Variants in TPRG1 observed in about 807,000 individuals in gnomAD.
TPRG1 encodes the protein tumor protein p63-regulated gene 1 protein.
A neutral mutation model predicts 29.3 loss-of-function variants in TPRG1; 29 were observed. The ratio of observed to expected loss-of-function variants is 0.99; its 90% CI spans 0.74 to 1.35. The LOEUF is 1.35. TPRG1 is among the 40% of genes most tolerant of loss of function. TPRG1 has a pLI of 0.00. For missense variants in TPRG1, 327 were observed against 335.0 expected (o/e 0.98, Z 0.19); for synonymous variants, 130 against 116.8 (o/e 1.11, Z -0.73).
rs564685969 is a variant in TPRG1, at chr3:189,133,188, A to G, written c.-291+491A>G. 2.0e-5 allele frequency among the ~76,000 whole-genome samples: 3 copies of G among 152,312 alleles called. No homozygotes were observed. The East Asian group carries it at 5.8e-4, about 29-fold the overall frequency. ...AAGGAAGTAGAAGAAATAAAACTGGAAAGAGACTGGGATCAGATCTGGAAA... is the reference window on the plus strand; with the variant it reads ...AAGGAAGTAGAAGAAATAAAACTGGGAAGAGACTGGGATCAGATCTGGAAA... On this transcript the variant is annotated intron_variant, in intron 3 of 6. Coordinates refer to the TPRG1 transcript ENST00000412373.
upstream of TPRG1, among the ~76,000 whole-genome samples, chr3:189,169,623 A>G (rs1350500360): frequency 3.9e-5 from 6 of 152,228 alleles, no homozygotes; most frequent in African/African-American, 1.2e-4. Flanking sequence ...TATGCCTGGA[A>G]ATACAGACAT....
At chr3:189,059,122 G>A (rs774915851) in intron 4 of TPRG1, among the ~76,000 whole-genome samples, 6 of 152,140 alleles carry the variant, frequency 3.9e-5, no homozygotes, top group Non-Finnish European at 8.8e-5. Context: ...TCAGTTTCCT[G>A]ATGTCTAAAA....
chr3:189,262,154 G>T (rs1377400485), intron 4 of TPRG1, among the ~76,000 whole-genome samples: 3 of 151,708 alleles, frequency 2.0e-5, no homozygotes, highest in African/African-American at 7.3e-5. Context: ...CTAAGGATTT[G>T]AACTGGGCCA....
chr3:189,052,342 G>C (rs1222538037), intron 4 of TPRG1, among the ~76,000 whole-genome samples: 2 of 152,172 alleles, frequency 1.3e-5, no homozygotes, highest in African/African-American at 4.8e-5. Flanking sequence ...ATGAAAAAAT[G>C]CTCAACATCA....
chr3:189,193,132 A>ATTTTTTTTTTTTTTTTTTTTTT (rs555964454), intron 1 of TPRG1, among the ~76,000 whole-genome samples: 1 of 90,268 alleles, frequency 1.1e-5, no homozygotes, highest in Admixed American at 1.3e-4. Flanking sequence ...TTGACTTTTA[A>ATTTTTTTTTTTTTTTTTTTTTT]TTTTTTTTTT....
intron 4 of TPRG1, among the ~76,000 whole-genome samples, chr3:189,277,307 C>T (rs1399814270): frequency 6.6e-6 from 1 of 152,094 alleles, no homozygotes; most frequent in South Asian, 2.1e-4. Flanking sequence ...CACACACATA[C>T]GCACACAACA....
chr3:189,261,638 A>G (rs2109041164), intron 4 of TPRG1, among the ~76,000 whole-genome samples: 1 of 152,270 alleles, frequency 6.6e-6, no homozygotes, highest in East Asian at 1.9e-4. Flanking sequence ...TGCGATGCAA[A>G]CGTATGCACA....
chr3:189,250,775 T>C (rs1172797294), intron 4 of TPRG1, among the ~76,000 whole-genome samples: 2 of 149,376 alleles, frequency 1.3e-5, no homozygotes, highest in African/African-American at 4.9e-5. Flanking sequence ...AAAGCAATGA[T>C]TTAATCTTAG....
intron 3 of TPRG1, among the ~76,000 whole-genome samples, chr3:189,222,122 C>G (rs1737034240): frequency 6.6e-6 from 1 of 152,272 alleles, no homozygotes; most frequent in Non-Finnish European, 1.5e-5. Flanking sequence ...ACCTTTTCCT[C>G]TCCAGATCTT....
chr3:189,034,441 A>G (rs1160799718), intron 4 of TPRG1, among the ~76,000 whole-genome samples: 1 of 152,214 alleles, frequency 6.6e-6, no homozygotes, highest in Non-Finnish European at 1.5e-5. Flanking sequence ...GGCTCATTAG[A>G]AATGGAGACA....
At chr3:189,117,510 C>T (rs568458107) in intron 1 of TPRG1, among the ~76,000 whole-genome samples, 1 of 152,254 alleles carries the variant, frequency 6.6e-6, no homozygotes, top group Non-Finnish European at 1.5e-5. Context: ...TAGAAGAAAC[C>T]AGCACTTTTG....
intron 5 of TPRG1, among the ~76,000 whole-genome samples, chr3:189,311,259 T>C (rs1048361518): frequency 6.6e-6 from 1 of 152,200 alleles, no homozygotes. Context: ...TAAAACCAAA[T>C]ATACATATGA....
intron 4 of TPRG1, chr3:189,267,777 T>C (rs540569319): frequency 5.9e-5 from 9 of 152,308 alleles, no homozygotes; most frequent in African/African-American, 2.2e-4. Flanking sequence ...TCATAAAGAT[T>C]TCAGAGCATG....
intron 1 of TPRG1, among the ~76,000 whole-genome samples, chr3:189,199,247 A>T (rs1235487885): frequency 6.6e-6 from 1 of 152,218 alleles, no homozygotes; most frequent in Non-Finnish European, 1.5e-5. Context: ...TTTGAATCAC[A>T]AGAGAACCAA....
chr3:189,078,043 C>T (rs1560430517), intron 4 of TPRG1, among the ~76,000 whole-genome samples: 35 of 150,020 alleles, frequency 2.3e-4, no homozygotes, highest in African/African-American at 8.4e-4. Flanking sequence ...TTCCTTCCTT[C>T]CTTCCTTCCT....
chr3:189,154,724 G>T (rs57827858), intron 5 of TPRG1, among the ~76,000 whole-genome samples: 38,340 of 152,076 alleles, frequency 0.25, 5,989 homozygotes, highest in African/African-American at 0.45. Flanking sequence ...ATTACAGGCA[G>T]GAGCCACTGT....
At chr3:189,236,145 G>A (rs1739423116) in intron 3 of TPRG1, among the ~76,000 whole-genome samples, 1 of 152,136 alleles carries the variant, frequency 6.6e-6, no homozygotes, top group Non-Finnish European at 1.5e-5. Context: ...TTATAAGCCT[G>A]TATGTTTACT....
chr3:189,244,640 G>T (rs1381889269), intron 4 of TPRG1, among the ~76,000 whole-genome samples: 1 of 152,084 alleles, frequency 6.6e-6, no homozygotes, highest in African/African-American at 2.4e-5. Context: ...CTATCATGAG[G>T]AGAGTACCAA....
chr3:189,113,360 C>A (rs982333963), intron 1 of TPRG1, among the ~76,000 whole-genome samples: 1 of 152,084 alleles, frequency 6.6e-6, no homozygotes, highest in Non-Finnish European at 1.5e-5. Context: ...TAATTGAATA[C>A]CCTTTATTTC....
Sources: gnomAD v4.1 joint callset for allele counts (sites outside exome capture counted in the v4.1 genomes callset) on GRCh38, gnomAD v4.1.1 for gene constraint, MANE v1.5 for transcripts, NCBI Gene and HGNC (gene_info 2026-07-23, HGNC 2026-07-21) for gene names.